MARVELD2: variants seen among roughly 807,000 people sequenced by gnomAD.
MARVELD2 encodes the protein MARVEL domain containing 2.
Under a neutral mutation model 57.6 loss-of-function variants are expected in MARVELD2, and 49 were observed. The observed-to-expected ratio is 0.85, with a 90% CI of 0.68 to 1.08. MARVELD2 has a LOEUF of 1.08. Among genes scored for constraint, MARVELD2 ranks in the 50% least tolerant of loss-of-function variants. The pLI is 0.00. For synonymous variants in MARVELD2, 238 were observed against 258.8 expected, an observed-to-expected ratio of 0.92 and a Z score of 0.77; for missense variants, 606 against 701.1, an observed-to-expected ratio of 0.86 and a Z score of 1.53.
chr5:69,437,619 G>A (rs1451945562), intron 5 of MARVELD2, among the ~76,000 whole-genome samples: 1 of 151,914 alleles, frequency 6.6e-6, no homozygotes, highest in Non-Finnish European at 1.5e-5. Context: ...GGGAGGCGGA[G>A]GTTGCAGTGA....
At chr5:69,439,101 G>T (rs1441522746) in intron 5 of MARVELD2, among the ~76,000 whole-genome samples, 1 of 150,636 alleles carries the variant, frequency 6.6e-6, no homozygotes, top group East Asian at 1.9e-4. Context: ...AATATACTGG[G>T]AAAAGGATAT....
At chr5:69,431,042 A>C (rs1580487848) in intron 3 of MARVELD2, among the ~76,000 whole-genome samples, 2 of 131,466 alleles carry the variant, frequency 1.5e-5, no homozygotes, top group African/African-American at 2.9e-5. Context: ...CCCACCTCCC[A>C]CCTCAGCCTC....
At chr5:69,425,864 G>A (rs1766775442) in intron 3 of MARVELD2, among the ~76,000 whole-genome samples, 1 of 151,682 alleles carries the variant, frequency 6.6e-6, no homozygotes, top group Admixed American at 6.6e-5. Context: ...GAGTAGCTGG[G>A]ACTACAGGTG....
intron 3 of MARVELD2, among the ~76,000 whole-genome samples, chr5:69,424,985 AC>A (rs2150919959): frequency 6.6e-6 from 1 of 151,894 alleles, no homozygotes; most frequent in African/African-American, 2.4e-5. Flanking sequence ...AGATCACGTC[AC>A]TGCACTCCAG....
chr5:69,438,247 C>G (rs901446722), intron 5 of MARVELD2, among the ~76,000 whole-genome samples: 1 of 152,208 alleles, frequency 6.6e-6, no homozygotes, highest in Non-Finnish European at 1.5e-5. Context: ...CTCACCACTC[C>G]TTAAATTCAG....
chr5:69,417,427 G>A (rs1766464220), intron 1 of MARVELD2, among the ~76,000 whole-genome samples: 1 of 151,302 alleles, frequency 6.6e-6, no homozygotes, highest in Non-Finnish European at 1.5e-5. Flanking sequence ...CTGGTGCAAG[G>A]CAGGTTAAAT....
rs1429897524 is a variant in MARVELD2 at position 69,419,841 on chromosome 5, A to G, written c.456A>G (p.Ala152=). ...TTAGTTCCCGGAAAGAGGCTGACGCAGTGTTTCCCCGGGATCCCTATGGAT... is the reference window on the plus strand; with the variant it reads ...TTAGTTCCCGGAAAGAGGCTGACGCGGTGTTTCCCCGGGATCCCTATGGAT... ...GTFSSRKEAD[A]VFPRDPYGSL... is the part of the protein sequence containing the mutation. The change falls in exon 2 of 7, where the codon GCA becomes GCG. Residue 152 remains alanine (A), a synonymous_variant. Transcript: ENST00000325631. 4 of 1,614,186 alleles carry G rather than the reference A, an allele frequency of 2.5e-6. No individual in the cohort carries two copies. The highest frequency in any genetic ancestry group is 2.2e-5 in the East Asian group (1 of 44,886).
Position 69,432,906 on chromosome 5 carries a change from T to G in MARVELD2, c.1332-16T>G. The G allele has an allele frequency of 6.2e-7, 1 of 1,614,196 alleles. No individual in the cohort carries two copies. Among genetic ancestry groups the G allele is most frequent in the African/African-American group, 1.3e-5 (1 of 75,062 alleles). ...TAGTGAAACAATTATATCTTTGGCT[T>G]ATGTTTTTCCCCTAGAAAATACCCT... On this transcript the variant is annotated splice_polypyrimidine_tract_variant and intron_variant, in intron 4 of 6. Transcript: ENST00000325631.
intron 5 of MARVELD2, among the ~76,000 whole-genome samples, chr5:69,436,191 A>T (rs1372594222): frequency 2.0e-5 from 3 of 152,064 alleles, no homozygotes. Context: ...TTAAAAACAC[A>T]GCTTTGTAAA....
At position 69,432,948 on chromosome 5, in the gene MARVELD2, A is replaced by G. The variant is rs1767011470; in HGVS notation, c.1358A>G (p.Asp453Gly). 2.5e-6 allele frequency: 4 copies of G among 1,614,224 alleles called. No individual in the cohort carries two copies. The East Asian group carries it at 8.9e-5, about 36-fold the overall frequency. The stretch of plus-strand genomic sequence containing the variant: ...AAATACCCTGTGATTCAGACAGATG[A>G]TGAGCGAGAACGCTATAAAGCTGTG... Reference protein sequence around the residue: ...VAKYPVIQTDDERERYKAVFQ... With the variant: ...VAKYPVIQTDGERERYKAVFQ... Residue 453 changes from aspartate to glycine, a missense_variant, in exon 5 of 7, where the codon GAT becomes GGT. Physicochemically the swap from Asp to Gly is moderately conservative, Grantham distance 94 (BLOSUM62 -1). Coordinates refer to ENST00000325631, the MANE Select transcript of MARVELD2 (RefSeq NM_001038603.3).
intron 3 of MARVELD2, among the ~76,000 whole-genome samples, chr5:69,429,709 T>C (rs1054021056): frequency 1.1e-4 from 16 of 152,130 alleles, no homozygotes; most frequent in Non-Finnish European, 1.5e-4. Flanking sequence ...TCAGGCACCG[T>C]GGCTCACACC....
chr5:69,419,676 C>A lies in MARVELD2; in HGVS notation c.291C>A (p.Pro97=). ...TTTTCAGAGGGAAGAAAAAGGACCC[C>A]GAATGGGATAAGCCGGTGTCTGATA... ...KNFFRGKKKD[P]EWDKPVSDIR... Residue 97 remains proline (P), a synonymous_variant, in exon 2 of 7, where the codon CCC becomes CCA. Transcript: ENST00000325631. 6.2e-7 allele frequency: 1 copy of A among 1,614,080 alleles called. No homozygotes were observed. Among genetic ancestry groups the A allele is most frequent in the Non-Finnish European group, 8.5e-7 (1 of 1,180,034 alleles).
intron 3 of MARVELD2, among the ~76,000 whole-genome samples, chr5:69,429,891 GTTAT>G (rs35994741): frequency 0.49 from 72,503 of 147,686 alleles, 17,853 homozygotes; most frequent in South Asian, 0.53. Flanking sequence ...ATAGTTCTGG[GTTAT>G]TTATTTATTT....
intron 5 of MARVELD2, among the ~76,000 whole-genome samples, chr5:69,434,517 C>T (rs1411787158): frequency 6.7e-6 from 1 of 150,032 alleles, no homozygotes; most frequent in Non-Finnish European, 1.5e-5. Context: ...AGCTGCTGGA[C>T]ACACACATCA....
Position 69,419,819 on chromosome 5 carries a change from G to T in MARVELD2, c.434G>T (p.Ser145Ile). Residue 145 changes from serine (S) to isoleucine (I), a missense_variant, in exon 2 of 7, where the codon AGT becomes ATT. Physicochemically the swap from Ser to Ile is moderately radical, Grantham distance 142. Transcript: ENST00000325631. ...TACGGAGGGTCAGAAGGAACCTTTA[G>T]TTCCCGGAAAGAGGCTGACGCAGTG... ...DPYGGSEGTFSSRKEADAVFP... is the reference protein window; with the variant it reads ...DPYGGSEGTFISRKEADAVFP... 6.2e-7 allele frequency: 1 copy of T among 1,614,198 alleles called. No homozygotes were observed. The highest frequency in any genetic ancestry group is 8.5e-7 in the Non-Finnish European group (1 of 1,180,044).
In MARVELD2 at chr5:69,442,331, A is replaced by C. The variant is rs1261477865; in HGVS notation, c.*677A>C. The stretch of plus-strand genomic sequence containing the variant: ...TCTAAAGGATTTTTCTAAGGGAAAA[A>C]GGGTGACATCTTTCAAAGGTGTCAT... On this transcript the variant is annotated 3_prime_UTR_variant, in exon 7 of 7. Transcript: ENST00000325631. The C allele has an allele frequency of 6.6e-6, 1 of 152,134 alleles. No individual in the cohort carries two copies. The highest frequency in any genetic ancestry group is 1.5e-5 in the Non-Finnish European group (1 of 68,028). The allele number at this position is 152,134 out of a possible 1,614,324, so 9.4% of individuals were successfully genotyped here.
chr5:69,422,603 A>G (rs1453720008), intron 2 of MARVELD2, among the ~76,000 whole-genome samples: 1 of 152,156 alleles, frequency 6.6e-6, no homozygotes, highest in Non-Finnish European at 1.5e-5. Flanking sequence ...CTTCATTAGC[A>G]ATTTTAATTT....
chr5:69,421,535 T>C (rs1332346677), intron 2 of MARVELD2, among the ~76,000 whole-genome samples: 2 of 152,318 alleles, frequency 1.3e-5, no homozygotes, highest in East Asian at 3.9e-4. Flanking sequence ...CCTGTCCTTA[T>C]AACAGCACAC....
rs1561287317 is a variant in MARVELD2 at position 69,416,295 on chromosome 5, A to ATTGTT, written c.-16+1125_-16+1126insTTGTT. 3.0e-3 allele frequency among the ~76,000 whole-genome samples: 462 copies of ATTGTT among 152,372 alleles called. 2 individuals carry two copies. The highest frequency in any genetic ancestry group is 0.011 in the African/African-American group (442 of 41,592). On this transcript the variant is annotated intron_variant, in intron 1 of 6. Transcript: ENST00000325631. Reference sequence around the variant, plus strand: ...TTTAGAGAAAGAAAGAGAAAGGTACAAAAATAACTGATTGTTATAATATAC... The same window carrying ATTGTT: ...TTTAGAGAAAGAAAGAGAAAGGTACATTGTTAAAATAACTGATTGTTATAATATAC...
Sources: gnomAD v4.1 joint callset for allele counts (sites outside exome capture counted in the v4.1 genomes callset) on GRCh38, gnomAD v4.1.1 for gene constraint, MANE v1.5 for transcripts, NCBI Gene and HGNC (gene_info 2026-07-23, HGNC 2026-07-21) for gene names.